DAB1: variants seen among roughly 807,000 people sequenced by gnomAD.
The protein encoded by DAB1 is disabled homolog 1.
A neutral mutation model predicts 64.6 loss-of-function variants in DAB1; 15 were observed. The ratio of observed to expected loss-of-function variants is 0.23; its 90% CI spans 0.16 to 0.36. The LOEUF is 0.36. DAB1 is among the 10% of genes least tolerant of loss of function. DAB1 has a pLI of 1.00. For missense variants in DAB1, 596 were observed against 706.7 expected, an observed-to-expected ratio of 0.84 and a Z score of 1.78; for synonymous variants, 235 against 251.9, an observed-to-expected ratio of 0.93 and a Z score of 0.64.
At chr1:57,109,189 C>T (rs968241195) in intron 4 of DAB1, among the ~76,000 whole-genome samples, 7 of 152,174 alleles carry the variant, frequency 4.6e-5, no homozygotes, top group African/African-American at 1.7e-4. Flanking sequence ...ACCCAGCAAG[C>T]CCCAGACCTC....
chr1:58,143,613 A>C (rs1654404573), intron 5 of DAB1, among the ~76,000 whole-genome samples: 1 of 152,198 alleles, frequency 6.6e-6, no homozygotes, highest in Non-Finnish European at 1.5e-5. Context: ...ACAGGCAATA[A>C]CAGCACTTAT....
chr1:58,342,239 A>G (rs1198928225), intron 4 of DAB1, among the ~76,000 whole-genome samples: 1 of 152,162 alleles, frequency 6.6e-6, no homozygotes, highest in Non-Finnish European at 1.5e-5. Flanking sequence ...AGCCATGATG[A>G]TAAGATATTT....
intron 3 of DAB1, among the ~76,000 whole-genome samples, chr1:58,463,631 T>C (rs1645265941): frequency 6.6e-6 from 1 of 152,228 alleles, no homozygotes; most frequent in Non-Finnish European, 1.5e-5. Flanking sequence ...TGTGTACATG[T>C]ATCTACGGCC....
At chr1:57,676,426 A>T (rs72679218) in intron 6 of DAB1, among the ~76,000 whole-genome samples, 27 of 152,330 alleles carry the variant, frequency 1.8e-4, no homozygotes, top group Non-Finnish European at 2.8e-4. Context: ...TTCAAATTAA[A>T]CATATGAAAC....
At chr1:57,124,178 C>T (rs1381017936) in intron 4 of DAB1, among the ~76,000 whole-genome samples, 1 of 152,052 alleles carries the variant, frequency 6.6e-6, no homozygotes, top group Non-Finnish European at 1.5e-5. Flanking sequence ...AAAAAAGATT[C>T]CCAAACATAA....
At chr1:57,811,535 C>T (rs748067003) in intron 6 of DAB1, among the ~76,000 whole-genome samples, 1 of 152,186 alleles carries the variant, frequency 6.6e-6, no homozygotes, top group Non-Finnish European at 1.5e-5. Flanking sequence ...TCTGTAGAAC[C>T]ATGAACCAAT....
chr1:57,995,930 AT>A (rs765923043), intron 5 of DAB1, among the ~76,000 whole-genome samples: 11 of 152,134 alleles, frequency 7.2e-5, no homozygotes, highest in Non-Finnish European at 1.5e-4. Context: ...TGGCAAAGTC[AT>A]TGAGCTTCTT....
chr1:57,239,305 T>G (rs1668335068), intron 2 of DAB1, among the ~76,000 whole-genome samples: 1 of 152,232 alleles, frequency 6.6e-6, no homozygotes, highest in South Asian at 2.1e-4. Context: ...TATTATTGTC[T>G]TCCCAGCACT....
chr1:58,112,726 T>A (rs1453411455), intron 5 of DAB1, among the ~76,000 whole-genome samples: 4 of 152,186 alleles, frequency 2.6e-5, no homozygotes, highest in Non-Finnish European at 5.9e-5. Flanking sequence ...GAATGATGAA[T>A]GAAAATGTCA....
At chr1:58,052,576 T>G (rs1647750128) in intron 5 of DAB1, among the ~76,000 whole-genome samples, 1 of 152,240 alleles carries the variant, frequency 6.6e-6, no homozygotes, top group Middle Eastern at 3.2e-3. Context: ...TTTCCAATTC[T>G]GTGAAGAAAG....
At chr1:57,030,014 T>C (rs948223929) in intron 9 of DAB1, among the ~76,000 whole-genome samples, 1 of 152,172 alleles carries the variant, frequency 6.6e-6, no homozygotes, top group African/African-American at 2.4e-5. Flanking sequence ...GGCAGAATGA[T>C]ATGGTTTGGC....
intron 2 of DAB1, among the ~76,000 whole-genome samples, chr1:57,247,191 T>G (rs2100503077): frequency 6.6e-6 from 1 of 152,284 alleles, no homozygotes; most frequent in South Asian, 2.1e-4. Flanking sequence ...CACTCAAATC[T>G]CATGTCAAAT....
At chr1:58,056,206 C>T (rs768731084) in intron 5 of DAB1, 9 of 1,520,464 alleles carry the variant, frequency 5.9e-6, no homozygotes, top group East Asian at 2.2e-5. Flanking sequence ...TCGGTCCTTG[C>T]GGGCTTCACG....
intron 3 of DAB1, among the ~76,000 whole-genome samples, chr1:58,488,836 T>A (rs1645622973): frequency 6.6e-6 from 1 of 152,260 alleles, no homozygotes; most frequent in Admixed American, 6.5e-5. Context: ...TGCCTTTGCA[T>A]CCTCATAGCT....
intron 9 of DAB1, among the ~76,000 whole-genome samples, chr1:57,053,688 A>ATATATGTATATATT (rs1447741565): frequency 2.8e-5 from 2 of 71,420 alleles, no homozygotes; most frequent in Non-Finnish European, 5.1e-5. Flanking sequence ...ATATATATAT[A>ATATATGTATATATT]TTTTTTTTTT....
chr1:58,149,285 A>G (rs1654788379), intron 5 of DAB1, among the ~76,000 whole-genome samples: 1 of 152,190 alleles, frequency 6.6e-6, no homozygotes, highest in Admixed American at 6.5e-5. Flanking sequence ...GCCTCCAAGA[A>G]GGAGGAAGAA....
intron 4 of DAB1, among the ~76,000 whole-genome samples, chr1:58,287,499 G>A (rs1661713546): frequency 6.6e-6 from 1 of 152,112 alleles, no homozygotes; most frequent in Admixed American, 6.6e-5. Context: ...GAGATGGCTT[G>A]CTCTCATGGT....
At chr1:57,601,013 T>C (rs564710126) in intron 7 of DAB1, among the ~76,000 whole-genome samples, 1 of 151,408 alleles carries the variant, frequency 6.6e-6, no homozygotes. Context: ...AAAAAGAGAG[T>C]TTTTTTTTAA....
rs61765595 is a variant in DAB1 at position 57,223,695 on chromosome 1, G to C, written c.67+67269C>G. ...GCAGAACCAACCCGAAACATCTTTA[G>C]TGGATTCGCAGACAGCAGCCCTACT... On this transcript the variant is annotated intron_variant, in intron 2 of 14. Transcript: ENST00000371236. 7.6e-3 allele frequency among the ~76,000 whole-genome samples: 1,164 copies of C among 152,308 alleles called. 31 individuals carry two copies. In the East Asian group the frequency reaches 0.081, roughly 11 times the overall value.
Sources: gnomAD v4.1 joint callset for allele counts (sites outside exome capture counted in the v4.1 genomes callset) on GRCh38, gnomAD v4.1.1 for gene constraint, MANE v1.5 for transcripts, NCBI Gene and HGNC (gene_info 2026-07-23, HGNC 2026-07-21) for gene names.